CNTN4: variants seen among roughly 807,000 people sequenced by gnomAD.
The protein encoded by CNTN4 is contactin-4.
A neutral mutation model predicts 122.5 loss-of-function variants in CNTN4; 77 were observed. That is an observed-to-expected ratio of 0.63 (90% CI 0.52 to 0.76). The LOEUF is 0.76. CNTN4 is among the 30% of genes least tolerant of loss of function. The pLI is 0.00. For synonymous variants in CNTN4, 512 were observed against 447.0 expected (o/e 1.15, Z -1.83); for missense variants, 1,256 against 1,259.1 (o/e 1.00, Z 0.04).
intron 3 of CNTN4, among the ~76,000 whole-genome samples, chr3:2,446,289 G>T (rs1186146988): frequency 6.6e-6 from 1 of 152,070 alleles, no homozygotes; most frequent in Non-Finnish European, 1.5e-5. Context: ...GCTGTGGCAC[G>T]GTCCTGTTTT....
intron 3 of CNTN4, among the ~76,000 whole-genome samples, chr3:2,569,950 G>T (rs2079346070): frequency 6.6e-6 from 1 of 152,064 alleles, no homozygotes; most frequent in Non-Finnish European, 1.5e-5. Context: ...CTAGAGGATA[G>T]AGACTGTGCC....
At chr3:2,383,181 T>C (rs1050887665) in intron 3 of CNTN4, among the ~76,000 whole-genome samples, 1 of 152,258 alleles carries the variant, frequency 6.6e-6, no homozygotes, top group Middle Eastern at 3.4e-3. Flanking sequence ...ATGTAGTATT[T>C]CCCAGACTTA....
chr3:2,274,052 A>G (rs898304006), intron 2 of CNTN4, among the ~76,000 whole-genome samples: 4 of 152,134 alleles, frequency 2.6e-5, no homozygotes, highest in Admixed American at 2.0e-4. Flanking sequence ...TCTTCAATCT[A>G]CAGAGGTTCA....
chr3:2,352,398 A>G (rs1397910249), intron 3 of CNTN4, among the ~76,000 whole-genome samples: 1 of 152,112 alleles, frequency 6.6e-6, no homozygotes, highest in Non-Finnish European at 1.5e-5. Flanking sequence ...GTGGAGGGAA[A>G]GGCTCGGGTG....
intron 13 of CNTN4, among the ~76,000 whole-genome samples, chr3:2,956,051 T>G (rs1027109158): frequency 2.0e-5 from 3 of 152,146 alleles, no homozygotes; most frequent in African/African-American, 7.2e-5. Flanking sequence ...AAATGTCTAT[T>G]GATAGAAGAA....
chr3:2,745,020 C>T (rs934535076), intron 5 of CNTN4, among the ~76,000 whole-genome samples: 1 of 152,194 alleles, frequency 6.6e-6, no homozygotes, highest in Non-Finnish European at 1.5e-5. Flanking sequence ...ATCAATAGTT[C>T]CTCTGCTTTG....
At chr3:2,692,018 C>T (rs111528925) in intron 4 of CNTN4, among the ~76,000 whole-genome samples, 1 of 152,240 alleles carries the variant, frequency 6.6e-6, no homozygotes, top group African/African-American at 2.4e-5. Flanking sequence ...CAACACCCTG[C>T]GTCCTTGTTA....
At chr3:2,213,461 C>A (rs1421894274) in intron 2 of CNTN4, among the ~76,000 whole-genome samples, 1 of 152,100 alleles carries the variant, frequency 6.6e-6, no homozygotes, top group Non-Finnish European at 1.5e-5. Flanking sequence ...GTACAGTAAG[C>A]AGATGTGTGT....
intron 4 of CNTN4, among the ~76,000 whole-genome samples, chr3:2,696,223 T>C (rs73112581): frequency 0.046 from 6,964 of 152,314 alleles, 240 homozygotes; most frequent in African/African-American, 0.083. Flanking sequence ...TGAAGTGTTA[T>C]AACAAATAAT....
At chr3:3,008,277 T>G (rs1484234682) in intron 14 of CNTN4, among the ~76,000 whole-genome samples, 1 of 151,996 alleles carries the variant, frequency 6.6e-6, no homozygotes, top group African/African-American at 2.4e-5. Context: ...ATAGAGCAAG[T>G]CAAGCAGAAA....
At chr3:2,102,703 T>G (rs1016022035) in intron 2 of CNTN4, among the ~76,000 whole-genome samples, 1 of 152,130 alleles carries the variant, frequency 6.6e-6, no homozygotes, top group African/African-American at 2.4e-5. Context: ...CTGGAATGAG[T>G]GCATATTACT....
intron 14 of CNTN4, among the ~76,000 whole-genome samples, chr3:3,015,393 A>G (rs981214298): frequency 6.6e-6 from 1 of 152,154 alleles, no homozygotes; most frequent in Non-Finnish European, 1.5e-5. Flanking sequence ...TTTTGCAGAA[A>G]GCTTCATCAA....
chr3:2,227,931 G>A (rs1394441868), intron 2 of CNTN4, among the ~76,000 whole-genome samples: 2 of 152,128 alleles, frequency 1.3e-5, no homozygotes, highest in Non-Finnish European at 2.9e-5. Flanking sequence ...TGTTTGCAGT[G>A]CTTTGAAGTA....
intron 3 of CNTN4, among the ~76,000 whole-genome samples, chr3:2,521,275 G>A (rs2077202676): frequency 6.6e-6 from 1 of 151,780 alleles, no homozygotes; most frequent in African/African-American, 2.4e-5. Flanking sequence ...TTGTAATCAG[G>A]CCATCCAGCT....
intron 4 of CNTN4, among the ~76,000 whole-genome samples, chr3:2,592,498 G>A (rs1167656110): frequency 6.6e-6 from 1 of 152,156 alleles, no homozygotes; most frequent in Non-Finnish European, 1.5e-5. Flanking sequence ...ATTGAATCAT[G>A]GGGATGGGTC....
chr3:2,931,968 G>A (rs917947591), intron 13 of CNTN4, among the ~76,000 whole-genome samples: 1 of 151,808 alleles, frequency 6.6e-6, no homozygotes, highest in East Asian at 1.9e-4. Flanking sequence ...CCTTATCATC[G>A]ATCTTCTCCA....
At chr3:2,919,864 C>A (rs764207695) in intron 12 of CNTN4, among the ~76,000 whole-genome samples, 12 of 151,996 alleles carry the variant, frequency 7.9e-5, no homozygotes, top group Non-Finnish European at 1.6e-4. Context: ...TTTTAATCAA[C>A]ATGTTGATTA....
chr3:2,538,878 A>G (rs1231318534), intron 3 of CNTN4, among the ~76,000 whole-genome samples: 1 of 150,202 alleles, frequency 6.7e-6, no homozygotes, highest in Non-Finnish European at 1.5e-5. Context: ...ATGTTCTTTA[A>G]TTTGATTTAT....
intron 2 of CNTN4, among the ~76,000 whole-genome samples, chr3:2,120,664 A>C (rs1399989669): frequency 6.6e-6 from 1 of 151,574 alleles, no homozygotes; most frequent in Non-Finnish European, 1.5e-5. Context: ...CGGCCTCCCA[A>C]AGTGCTGGGA....
Sources: gnomAD v4.1 joint callset for allele counts (sites outside exome capture counted in the v4.1 genomes callset) on GRCh38, gnomAD v4.1.1 for gene constraint, MANE v1.5 for transcripts, NCBI Gene and HGNC (gene_info 2026-07-23, HGNC 2026-07-21) for gene names.